Variants in TOPAZ1 observed in about 807,000 individuals in gnomAD.
The protein encoded by TOPAZ1 is testis and ovary specific TOPAZ 1, also known as protein TOPAZ1.
In TOPAZ1, 66 loss-of-function variants were observed where a neutral mutation model predicts 172.2. The observed-to-expected ratio is 0.38, with a 90% CI of 0.31 to 0.47. The LOEUF (loss-of-function observed/expected upper bound fraction) is 0.47, where lower values mean the gene tolerates loss of function less well. TOPAZ1 is among the 20% of genes least tolerant of loss of function. TOPAZ1 has a pLI of 0.99. For missense variants in TOPAZ1, 1,822 were observed against 1,972.4 expected (o/e 0.92, Z 1.44); for synonymous variants, 681 against 683.9 (o/e 1.00, Z 0.07).
chr3:44,321,681 T>C (rs1487045519), intron 17 of TOPAZ1, among the ~76,000 whole-genome samples: 9 of 152,214 alleles, frequency 5.9e-5, no homozygotes, highest in Non-Finnish European at 2.9e-5. Flanking sequence ...ATGAGCTATG[T>C]GATAGGTTCA....
intron 12 of TOPAZ1, among the ~76,000 whole-genome samples, chr3:44,299,802 G>A (rs1379964384): frequency 1.3e-5 from 2 of 149,172 alleles, no homozygotes; most frequent in Non-Finnish European, 3.0e-5. Context: ...GTCCTTTGTA[G>A]GGACATGGAT....
At chr3:44,263,933 C>T (rs1699801772) in intron 5 of TOPAZ1, among the ~76,000 whole-genome samples, 1 of 152,250 alleles carries the variant, frequency 6.6e-6, no homozygotes, top group South Asian at 2.1e-4. Context: ...CTGTTTAAAT[C>T]AGCCACCCTG....
At position 44,263,874 on chromosome 3, in the gene TOPAZ1, T is replaced by C. The variant is rs531714340; in HGVS notation, c.3020+1391T>C. Among the ~76,000 whole-genome samples, 229 of 152,328 alleles carry C rather than the reference T, an allele frequency of 1.5e-3. 2 individuals are homozygous for C. The highest frequency in any genetic ancestry group is 3.4e-3 in the Middle Eastern group (1 of 294). ...AGATAAGTAGTGTCCAAATTAAATTTTTGTAAAATTGCTTATGTAGGATCT... is the reference window on the plus strand; with the variant it reads ...AGATAAGTAGTGTCCAAATTAAATTCTTGTAAAATTGCTTATGTAGGATCT... On this transcript the variant is annotated intron_variant, in intron 5 of 19. Transcript: ENST00000309765.
At chr3:44,274,608 G>A (rs1699932924) in intron 8 of TOPAZ1, among the ~76,000 whole-genome samples, 1 of 149,768 alleles carries the variant, frequency 6.7e-6, no homozygotes, top group Non-Finnish European at 1.5e-5. Context: ...AGGCTAGAGA[G>A]CAATGGCACA....
chr3:44,276,575 C>G (rs1306271302), intron 8 of TOPAZ1, among the ~76,000 whole-genome samples: 1 of 137,944 alleles, frequency 7.2e-6, no homozygotes, highest in Admixed American at 7.3e-5. Context: ...TTTACTGTAT[C>G]CTTATAATGT....
At position 44,243,750 on chromosome 3, in the gene TOPAZ1, T is replaced by C; in HGVS notation, c.1244T>C (p.Val415Ala). ...ETSSEHHVNA[V>A]FQKTIEPLLK... ...AGTTCTGAACATCATGTAAATGCTG[T>C]GTTTCAGAAAACCATTGAACCACTT... The change falls in exon 2 of 20, where the codon GTG becomes GCG. Residue 415 changes from valine to alanine, a missense_variant. Val to Ala is a moderately conservative substitution (Grantham distance 64, BLOSUM62 0). Coordinates refer to ENST00000309765, the MANE Select transcript of TOPAZ1 (RefSeq NM_001145030.2). The C allele has an allele frequency of 3.9e-6, 6 of 1,551,728 alleles. No homozygotes were observed. Among genetic ancestry groups the C allele is most frequent in the Non-Finnish European group, 5.2e-6 (6 of 1,146,956 alleles).
Position 44,270,817 on chromosome 3 carries a change from C to A in TOPAZ1, c.3372+7C>A. 6.5e-7 allele frequency: 1 copy of A among 1,537,194 alleles called. No homozygotes were observed. On this transcript the variant is annotated splice_region_variant and intron_variant, in intron 8 of 19. Coordinates refer to ENST00000309765, the MANE Select transcript of TOPAZ1 (RefSeq NM_001145030.2). ...TGAACAAGGGGATGAAAAGGTAAAA[C>A]ATATAAAGTCTTTAAAGTAGAGATT...
intron 17 of TOPAZ1, among the ~76,000 whole-genome samples, chr3:44,322,680 G>A (rs1386696263): frequency 1.3e-5 from 2 of 152,272 alleles, no homozygotes; most frequent in Non-Finnish European, 2.9e-5. Flanking sequence ...CGATATGGGC[G>A]TGTTCAGGGT....
At chr3:44,271,954 C>G (rs1699904046) in intron 8 of TOPAZ1, among the ~76,000 whole-genome samples, 1 of 152,172 alleles carries the variant, frequency 6.6e-6, no homozygotes, top group Non-Finnish European at 1.5e-5. Context: ...GTTCTACTCT[C>G]TGCTTCTTTG....
At chr3:44,263,814 A>G (rs1699800724) in intron 5 of TOPAZ1, among the ~76,000 whole-genome samples, 1 of 152,136 alleles carries the variant, frequency 6.6e-6, no homozygotes, top group Admixed American at 6.5e-5. Context: ...GCTCTGAAGT[A>G]CTTCTCTCTC....
At chr3:44,266,917 A>G in intron 5 of TOPAZ1, 80 bp from the exon 6 acceptor site, 2 of 1,068,442 alleles carry the variant, frequency 1.9e-6, no homozygotes, top group Non-Finnish European at 1.3e-6. Flanking sequence ...TTTAAAAAGA[A>G]ATATCTGATA....
chr3:44,255,555 G>A (rs1699688844), intron 3 of TOPAZ1, among the ~76,000 whole-genome samples: 1 of 151,354 alleles, frequency 6.6e-6, no homozygotes, highest in South Asian at 2.1e-4. Context: ...GGGAGGCTGA[G>A]GCAGGAGAAT....
intron 17 of TOPAZ1, among the ~76,000 whole-genome samples, chr3:44,322,181 A>G (rs1700545395): frequency 6.6e-6 from 1 of 152,202 alleles, no homozygotes; most frequent in South Asian, 2.1e-4. Flanking sequence ...GCAGTAAGGA[A>G]CTACAGTCTA....
chr3:44,296,871 A>AAG (rs1553649744), intron 12 of TOPAZ1, among the ~76,000 whole-genome samples: 32 of 140,202 alleles, frequency 2.3e-4, no homozygotes, highest in African/African-American at 3.5e-4. Flanking sequence ...AAAAGAAAAA[A>AAG]AAAAGAAAAG....
In TOPAZ1 at chr3:44,243,175, T is replaced by G; in HGVS notation, c.669T>G (p.Val223=). The G allele has an allele frequency of 6.5e-7, 1 of 1,549,908 alleles. No homozygotes were observed. Among genetic ancestry groups the G allele is most frequent in the Non-Finnish European group, 8.7e-7 (1 of 1,146,230 alleles). The change falls in exon 2 of 20, where the codon GTT becomes GTG. Residue 223 remains valine, a synonymous_variant. Transcript: ENST00000309765. ...CACCTGAAGTAGAAAATAATTCCGT[T>G]TTAAAATTACGTGATTGCAATTGTT... ...ILSPEVENNS[V]LKLRDCNCFP... is the part of the protein sequence containing the mutation.
intron 11 of TOPAZ1, among the ~76,000 whole-genome samples, chr3:44,289,470 C>A (rs1700113446): frequency 6.7e-6 from 1 of 149,260 alleles, no homozygotes; most frequent in Non-Finnish European, 1.5e-5. Context: ...TTTAAATAGT[C>A]ATTTTTACAG....
At chr3:44,257,015 A>T (rs1265940438) in intron 4 of TOPAZ1, among the ~76,000 whole-genome samples, 1 of 152,082 alleles carries the variant, frequency 6.6e-6, no homozygotes, top group Non-Finnish European at 1.5e-5. Context: ...GTACAAGTAC[A>T]TACATGTATA....
intron 3 of TOPAZ1, 68 bp downstream of exon 3, chr3:44,255,097 C>A: frequency 8.9e-7 from 1 of 1,126,198 alleles, no homozygotes; most frequent in South Asian, 1.4e-5. Context: ...CAGGCCTAGT[C>A]AAGATGAATT....
intron 2 of TOPAZ1, among the ~76,000 whole-genome samples, chr3:44,246,389 A>C (rs1699567448): frequency 6.6e-6 from 1 of 152,216 alleles, no homozygotes; most frequent in Non-Finnish European, 1.5e-5. Flanking sequence ...AACACTTTTC[A>C]TTAAGATTCA....
Sources: allele counts gnomAD v4.1 joint callset (sites outside exome capture counted in the v4.1 genomes callset), GRCh38; gene constraint gnomAD v4.1.1; transcripts MANE v1.5; gene names NCBI Gene and HGNC (gene_info 2026-07-23, HGNC 2026-07-21).